Variants in KRT33B observed in about 807,000 individuals in gnomAD.
The protein encoded by KRT33B is keratin 33B, also known as keratin, type I cuticular Ha3-II.
Under a neutral mutation model 42.7 loss-of-function variants are expected in KRT33B, and 37 were observed. The ratio of observed to expected loss-of-function variants is 0.87; its 90% CI spans 0.67 to 1.14. KRT33B has a LOEUF of 1.14. Among genes scored for constraint, KRT33B ranks in the 50% most tolerant of loss-of-function variants. The probability of loss-of-function intolerance (pLI) is 0.00; values close to 1 mark genes in which losing one functional copy is unlikely to be tolerated. For missense variants in KRT33B, 523 were observed against 515.1 expected, an observed-to-expected ratio of 1.02 and a Z score of -0.15; for synonymous variants, 237 against 221.2, an observed-to-expected ratio of 1.07 and a Z score of -0.63.
At chr17:41,368,547 G>C (rs1288859640) in intron 1 of KRT33B, among the ~76,000 whole-genome samples, 1 of 151,204 alleles carries the variant, frequency 6.6e-6, no homozygotes, top group Non-Finnish European at 1.5e-5. Context: ...TCCCCTGTTA[G>C]ACTGTGAGCT....
Position 41,367,957 on chromosome 17 carries a change from C to A in KRT33B, c.382G>T (p.Val128Leu). 1 of 1,613,086 alleles carries A rather than the reference C, an allele frequency of 6.2e-7. No homozygotes were observed. Among genetic ancestry groups the A allele is most frequent in the Non-Finnish European group, 8.5e-7 (1 of 1,180,024 alleles). The change falls in exon 2 of 7, where the codon GTG becomes TTG. Residue 128 changes from valine (V) to leucine (L), a missense_variant. Coordinates refer to ENST00000251646, the MANE Select transcript of KRT33B (RefSeq NM_002279.5). ...LCSKSENARLVVQIDNAKLAA... is the reference protein window; with the variant it reads ...LCSKSENARLLVQIDNAKLAA... ...AGCTTGGCATTGTCGATCTGCACCA[C>A]CAGCCTGGCATTCTCAGACTTGCTG...
At chr17:41,368,061 T>G (rs999797556) in intron 1 of KRT33B, 71 bp from the exon 2 acceptor site, 2 of 1,443,042 alleles carry the variant, frequency 1.4e-6, no homozygotes, top group Non-Finnish European at 1.9e-6. Flanking sequence ...AAATGCTATT[T>G]TCTTTCAGCC....
chr17:41,365,175 C>G lies in KRT33B; in HGVS notation c.876G>C (p.Leu292=), dbSNP rs1480239453. 1.2e-6 allele frequency: 2 copies of G among 1,611,658 alleles called. No individual in the cohort carries two copies. Among genetic ancestry groups the G allele is most frequent in the South Asian group, 2.2e-5 (2 of 91,006 alleles). The change falls in exon 5 of 7, where the codon CTG becomes CTC. Residue 292 remains leucine, a splice_region_variant and synonymous_variant. Coordinates refer to ENST00000251646, the MANE Select transcript of KRT33B (RefSeq NM_002279.5). ...ACCAGCAGGTCTGAACAATACACAC[C>G]AGGTTGTGCTGGGCCTGCAGCTCGA... ...LEIELQAQHN[L]RYSLENTLTE...
chr17:41,365,943 G>A (rs12185264), intron 3 of KRT33B, among the ~76,000 whole-genome samples: 6,411 of 151,300 alleles, frequency 0.042, 268 homozygotes, highest in Middle Eastern at 0.071. Flanking sequence ...TCATGAAAAC[G>A]TCTAATGTTT....
chr17:41,364,777 A>G lies in KRT33B; in HGVS notation c.1097+2T>C. On this transcript the variant is annotated splice_donor_variant, in intron 6 of 6. Transcript: ENST00000251646. LOFTEE classifies it high-confidence loss of function. The stretch of plus-strand genomic sequence containing the variant: ...CAGGGGTGCCGTCCGCCAGGTACTC[A>G]CTTGCAGTCCTCGCTCTCCAGCAGG... 6.2e-7 allele frequency: 1 copy of G among 1,612,528 alleles called. No individual in the cohort carries two copies. The highest frequency in any genetic ancestry group is 8.5e-7 in the Non-Finnish European group (1 of 1,179,904).
chr17:41,369,592 A>G lies in KRT33B; in HGVS notation c.159T>C (p.Asn53=), dbSNP rs1196185352. The part of the protein sequence containing the change: ...NCNWFCEGSF[N]GSEKETMQFL... ...ACTGCATAGTCTCCTTCTCGCTGCCATTGAAGGAGCCCTCGCAGAACCAGT... is the reference window on the plus strand; with the variant it reads ...ACTGCATAGTCTCCTTCTCGCTGCCGTTGAAGGAGCCCTCGCAGAACCAGT... Residue 53 remains asparagine, a synonymous_variant, in exon 1 of 7, where the codon AAT becomes AAC. Coordinates refer to ENST00000251646, the MANE Select transcript of KRT33B (RefSeq NM_002279.5). 4.3e-6 allele frequency: 7 copies of G among 1,613,552 alleles called. No individual in the cohort carries two copies. Among genetic ancestry groups the G allele is most frequent in the Middle Eastern group, 3.6e-4 (2 of 5,522 alleles).
intron 1 of KRT33B, among the ~76,000 whole-genome samples, chr17:41,368,715 A>C (rs560790693): frequency 6.6e-6 from 1 of 151,480 alleles, no homozygotes; most frequent in African/African-American, 2.5e-5. Flanking sequence ...TGGGCAGTCA[A>C]TTCCCTCCCA....
intron 2 of KRT33B, among the ~76,000 whole-genome samples, chr17:41,366,857 T>G (rs2017708276): frequency 1.3e-5 from 2 of 151,276 alleles, no homozygotes; most frequent in South Asian, 4.1e-4. Context: ...ACAAACTAAG[T>G]TTGTTCTAAG....
intron 3 of KRT33B, 79 bp downstream of exon 3, chr17:41,366,391 C>A: frequency 1.3e-6 from 2 of 1,550,572 alleles, no homozygotes; most frequent in Non-Finnish European, 1.7e-6. Context: ...GGGTGCTTAG[C>A]AAATCAAATC....
rs756195272 is a variant in KRT33B at position 41,369,424 on chromosome 17, G to T, written c.327C>A (p.Thr109=). 4 of 1,613,342 alleles carry T rather than the reference G, an allele frequency of 2.5e-6. No homozygotes were observed. In the East Asian group the frequency reaches 8.9e-5, roughly 36 times the overall value. ...LCPSYQSYFK[T]IEELQQKILC... Reference sequence around the variant, plus strand: ...TCACCTTCTGCTGGAGCTCCTCAATGGTCTTGAAGTAGGACTGGTAGCTGG... The same window carrying T: ...TCACCTTCTGCTGGAGCTCCTCAATTGTCTTGAAGTAGGACTGGTAGCTGG... Residue 109 remains threonine, a synonymous_variant, in exon 1 of 7, where the codon ACC becomes ACA. Transcript: ENST00000251646.
At chr17:41,366,197 T>C (rs2017698697) in intron 3 of KRT33B, among the ~76,000 whole-genome samples, 1 of 151,180 alleles carries the variant, frequency 6.6e-6, no homozygotes, top group African/African-American at 2.5e-5. Context: ...AGCTAATAGA[T>C]AGCATCAAAC....
rs374138612 is a variant in KRT33B at position 41,367,866 on chromosome 17, C to G, written c.431+42G>C. 119 of 1,560,844 alleles carry G rather than the reference C, an allele frequency of 7.6e-5. No individual in the cohort carries two copies. The Middle Eastern group carries it at 8.4e-4, about 11-fold the overall frequency. ...GGAGCTCATCACTTTGTAATTCAGC[C>G]TGTCCGTTACTAGACTGCTCTGATG... is the stretch of plus-strand genomic sequence containing the variant. On this transcript the variant is annotated intron_variant, in intron 2 of 6. Coordinates refer to ENST00000251646, the MANE Select transcript of KRT33B (RefSeq NM_002279.5).
Position 41,366,485 on chromosome 17 carries a change from C to G in KRT33B, c.573G>C (p.Lys191Asn). Residue 191 changes from lysine (K) to asparagine (N), a missense_variant, in exon 3 of 7, where the codon AAG becomes AAC. Physicochemically the swap from Lys to Asn is moderately conservative, Grantham distance 94 (BLOSUM62 0). Coordinates refer to ENST00000251646, the MANE Select transcript of KRT33B (RefSeq NM_002279.5). Reference protein sequence around the residue: ...ESLKEELLSLKQNHEQEVNTL... With the variant: ...ESLKEELLSLNQNHEQEVNTL... ...GGACTCTTACCTGCTCATGGTTCTG[C>G]TTGAGGGACAGCAGCTCCTCCTTCA... 1 of 1,612,524 alleles carries G rather than the reference C, an allele frequency of 6.2e-7. No homozygotes were observed.
Position 41,369,422 on chromosome 17 carries a change from A to T in KRT33B, c.329T>A (p.Ile110Asn). 6.2e-7 allele frequency: 1 copy of T among 1,613,286 alleles called. No individual in the cohort carries two copies. Among genetic ancestry groups the T allele is most frequent in the Non-Finnish European group, 8.5e-7 (1 of 1,180,028 alleles). Residue 110 changes from isoleucine (I) to asparagine (N), a missense_variant, in exon 1 of 7, where the codon ATT (isoleucine) becomes AAT (asparagine). Physicochemically the swap from Ile to Asn is moderately radical, Grantham distance 149. Transcript: ENST00000251646. ...CPSYQSYFKT[I>N]EELQQKILCS... ...CCTCACCTTCTGCTGGAGCTCCTCAATGGTCTTGAAGTAGGACTGGTAGCT... is the reference window on the plus strand; with the variant it reads ...CCTCACCTTCTGCTGGAGCTCCTCATTGGTCTTGAAGTAGGACTGGTAGCT...
Position 41,364,984 on chromosome 17 carries a change from T to C in KRT33B, c.892A>G (p.Asn298Asp). ...AQHNLRYSLE[N>D]TLTESEARYS... is the part of the protein sequence containing the mutation. ...CGGGCCTCGCTCTCTGTCAGCGTGTTTTCCAGAGAGTATCGCTGTGGTGGG... is the reference window on the plus strand; with the variant it reads ...CGGGCCTCGCTCTCTGTCAGCGTGTCTTCCAGAGAGTATCGCTGTGGTGGG... The change falls in exon 6 of 7, where the codon AAC (asparagine) becomes GAC (aspartate). Residue 298 changes from asparagine (N) to aspartate (D), a missense_variant. Coordinates refer to ENST00000251646, the MANE Select transcript of KRT33B (RefSeq NM_002279.5). The C allele has an allele frequency of 6.2e-7, 1 of 1,613,270 alleles. No individual in the cohort carries two copies. The highest frequency in any genetic ancestry group is 8.5e-7 in the Non-Finnish European group (1 of 1,180,036).
In KRT33B at chr17:41,368,708, G is replaced by T. The variant is rs142543295; in HGVS notation, c.348+695C>A. ...ATTTTCCAGATCTACAGAACAGTGG[G>T]CAGTCAATTCCCTCCCAGAATCAAG... On this transcript the variant is annotated intron_variant, in intron 1 of 6. Coordinates refer to ENST00000251646, the MANE Select transcript of KRT33B (RefSeq NM_002279.5). 5.3e-4 allele frequency among the ~76,000 whole-genome samples: 80 copies of T among 151,372 alleles called. 3 individuals carry two copies. Among genetic ancestry groups the T allele is most frequent in the African/African-American group, 1.9e-3 (76 of 40,686 alleles).
At position 41,367,946 on chromosome 17, in the gene KRT33B, G is replaced by C; in HGVS notation, c.393C>G (p.Ile131Met). 1.2e-6 allele frequency: 2 copies of C among 1,612,996 alleles called. No homozygotes were observed. Among genetic ancestry groups the C allele is most frequent in the South Asian group, 1.1e-5 (1 of 91,082 alleles). ...CATCTGCAGCCAGCTTGGCATTGTC[G>C]ATCTGCACCACCAGCCTGGCATTCT... ...KSENARLVVQ[I>M]DNAKLAADDF... is the part of the protein sequence containing the mutation. The change falls in exon 2 of 7, where the codon ATC (isoleucine) becomes ATG (methionine). Residue 131 changes from isoleucine to methionine, a missense_variant. Coordinates refer to ENST00000251646, the MANE Select transcript of KRT33B (RefSeq NM_002279.5).
chr17:41,364,727 A>G, intron 6 of KRT33B, 52 bp downstream of exon 6: 14 of 1,605,580 alleles, frequency 8.7e-6, no homozygotes, highest in Non-Finnish European at 1.1e-5. Context: ...GTTTTATCCT[A>G]CAGTAGAACA....
At chr17:41,368,119 G>A in intron 1 of KRT33B, 129 bp from the exon 2 acceptor site, 1 of 811,074 alleles carries the variant, frequency 1.2e-6, no homozygotes, top group Non-Finnish European at 2.1e-6. Context: ...TCAGCTCTGA[G>A]ATAAAAGGAG....
Sources: allele counts gnomAD v4.1 joint callset (sites outside exome capture counted in the v4.1 genomes callset), GRCh38; gene constraint gnomAD v4.1.1; transcripts MANE v1.5; gene names NCBI Gene and HGNC (gene_info 2026-07-23, HGNC 2026-07-21).